Variants in BBS9 observed in about 807,000 individuals in gnomAD.
BBS9 encodes the protein protein PTHB1.
Under a neutral mutation model 117.7 loss-of-function variants are expected in BBS9, and 89 were observed. The observed-to-expected ratio is 0.76, with a 90% confidence interval of 0.64 to 0.90. BBS9 has a LOEUF of 0.90. Ranked by LOEUF, BBS9 falls within the 40% of genes least tolerant of loss-of-function variation. The pLI is 0.00. For missense variants in BBS9, 982 were observed against 1,042.2 expected, an observed-to-expected ratio of 0.94 and a Z score of 0.80; for synonymous variants, 379 against 370.9, an observed-to-expected ratio of 1.02 and a Z score of -0.25.
intron 7 of BBS9, among the ~76,000 whole-genome samples, chr7:33,272,512 C>T (rs1381160249): frequency 6.6e-6 from 1 of 152,078 alleles, no homozygotes; most frequent in Non-Finnish European, 1.5e-5. Flanking sequence ...CTTTAAGAAG[C>T]ATTTATTGAA....
intron 19 of BBS9, among the ~76,000 whole-genome samples, chr7:33,475,511 G>C (rs1487538946): frequency 6.6e-6 from 1 of 152,008 alleles, no homozygotes; most frequent in African/African-American, 2.4e-5. Context: ...CTCTATTGTG[G>C]GGCTATCCTG....
At chr7:33,628,613 C>T (rs1225868479) in intron 21 of BBS9, among the ~76,000 whole-genome samples, 2 of 152,108 alleles carry the variant, frequency 1.3e-5, no homozygotes, top group African/African-American at 2.4e-5. Context: ...TCTTTACTTT[C>T]AAGAGTGGGA....
At chr7:33,460,629 C>G (rs1346915241) in intron 19 of BBS9, among the ~76,000 whole-genome samples, 1 of 151,768 alleles carries the variant, frequency 6.6e-6, no homozygotes, top group Non-Finnish European at 1.5e-5. Context: ...TATTTGGGAT[C>G]ACTTTTAAAC....
intron 4 of BBS9, among the ~76,000 whole-genome samples, chr7:33,175,784 C>G (rs926535035): frequency 2.0e-5 from 3 of 152,004 alleles, no homozygotes; most frequent in Non-Finnish European, 2.9e-5. Context: ...TGGCCAAAGA[C>G]TAATTAACAA....
chr7:33,339,340 G>C (rs1420389138), intron 10 of BBS9, among the ~76,000 whole-genome samples: 5 of 152,178 alleles, frequency 3.3e-5, no homozygotes, highest in Non-Finnish European at 5.9e-5. Flanking sequence ...CTGCAAAACT[G>C]GCTGGGGAAT....
At chr7:33,157,671 C>A (rs1794292121) in intron 4 of BBS9, 1 of 152,218 alleles carries the variant, frequency 6.6e-6, no homozygotes, top group African/African-American at 2.4e-5. Context: ...CTAGTGTCAG[C>A]AGACAAACGT....
Position 33,144,479 on chromosome 7 carries a change from A to C in BBS9, c.-11-1763A>C, listed in dbSNP as rs115136157. 1.7e-3 allele frequency among the ~76,000 whole-genome samples: 256 copies of C among 152,300 alleles called. 1 individual carries two copies. Among genetic ancestry groups the C allele is most frequent in the African/African-American group, 5.9e-3 (244 of 41,556 alleles). On this transcript the variant is annotated intron_variant, in intron 1 of 22. Coordinates refer to ENST00000242067, the MANE Select transcript of BBS9 (RefSeq NM_198428.3). Reference sequence around the variant, plus strand: ...AGTGCAAAGGAGTAAAAATTGAGTCACCTGATGCACATGTTCCCAGCTGAT... The same window carrying C: ...AGTGCAAAGGAGTAAAAATTGAGTCCCCTGATGCACATGTTCCCAGCTGAT...
chr7:33,480,940 G>T (rs1377866041), intron 19 of BBS9, among the ~76,000 whole-genome samples: 1 of 151,992 alleles, frequency 6.6e-6, no homozygotes, highest in Non-Finnish European at 1.5e-5. Flanking sequence ...CCACAGCCAT[G>T]TAAGAAATGC....
chr7:33,485,740 C>T (rs1354002573), intron 19 of BBS9, among the ~76,000 whole-genome samples: 1 of 152,126 alleles, frequency 6.6e-6, no homozygotes, highest in Non-Finnish European at 1.5e-5. Context: ...CAAATTATGA[C>T]AAGATATGGT....
rs1470214170 is a variant in BBS9, at chr7:33,257,416, T to C, written c.617+6T>C. The stretch of plus-strand genomic sequence containing the variant: ...CAACAAGTGGAAAGTTATAAGTAAG[T>C]TTGGATGTTAAGTCTTCAGAATCAT... On this transcript the variant is annotated splice_donor_region_variant and intron_variant, in intron 6 of 22. Coordinates refer to ENST00000242067, the MANE Select transcript of BBS9 (RefSeq NM_198428.3). 1 of 1,613,384 alleles carries C rather than the reference T, an allele frequency of 6.2e-7. No individual in the cohort carries two copies. Among genetic ancestry groups the C allele is most frequent in the Non-Finnish European group, 8.5e-7 (1 of 1,179,448 alleles).
intron 21 of BBS9, among the ~76,000 whole-genome samples, chr7:33,561,292 C>G (rs759529967): frequency 1.1e-4 from 17 of 152,186 alleles, no homozygotes; most frequent in Non-Finnish European, 2.1e-4. Flanking sequence ...CCCTGGTTTT[C>G]CTACTTAAGG....
intron 21 of BBS9, among the ~76,000 whole-genome samples, chr7:33,542,107 CAG>C (rs1852414936): frequency 1.4e-5 from 2 of 146,920 alleles, no homozygotes; most frequent in South Asian, 2.2e-4. Flanking sequence ...TTTTTTAAGA[CAG>C]AGTCTCACTC....
chr7:33,604,826 T>C (rs1030009411), intron 21 of BBS9, 39 bp from the exon 22 acceptor site: 1 of 1,444,830 alleles, frequency 6.9e-7, no homozygotes, highest in Non-Finnish European at 9.7e-7. Context: ...CAGATTTTCT[T>C]ACACATTGCT....
chr7:33,604,590 C>A (rs541822375), intron 21 of BBS9, among the ~76,000 whole-genome samples: 14 of 152,216 alleles, frequency 9.2e-5, no homozygotes, highest in Middle Eastern at 3.4e-3. Context: ...AGGTTTTGTC[C>A]TTTCTGACTT....
intron 21 of BBS9, among the ~76,000 whole-genome samples, chr7:33,554,932 C>T (rs1338761471): frequency 6.6e-6 from 1 of 152,094 alleles, no homozygotes; most frequent in African/African-American, 2.4e-5. Context: ...GAGAAAGCAG[C>T]CACACAGAAG....
At chr7:33,237,966 C>T (rs1793808174) in intron 5 of BBS9, among the ~76,000 whole-genome samples, 1 of 152,136 alleles carries the variant, frequency 6.6e-6, no homozygotes, top group Non-Finnish European at 1.5e-5. Context: ...CTCTTCTCTT[C>T]CTCTCCTCCC....
chr7:33,186,354 T>C (rs192450931), intron 5 of BBS9, among the ~76,000 whole-genome samples: 1 of 152,170 alleles, frequency 6.6e-6, no homozygotes, highest in Non-Finnish European at 1.5e-5. Context: ...AAAGTAACTG[T>C]GAGTGGTGGA....
chr7:33,630,434 C>T (rs1865835798), intron 21 of BBS9, among the ~76,000 whole-genome samples: 1 of 151,978 alleles, frequency 6.6e-6, no homozygotes, highest in African/African-American at 2.4e-5. Context: ...TTATGGTTCA[C>T]AGTAAATTGC....
chr7:33,306,274 AT>A lies in BBS9; in HGVS notation c.1017-30161del, dbSNP rs1004122655. 6.6e-5 allele frequency among the ~76,000 whole-genome samples: 10 copies of A among 151,730 alleles called. No individual in the cohort carries two copies. The South Asian group carries it at 8.3e-4, about 13-fold the overall frequency. On this transcript the variant is annotated intron_variant, in intron 9 of 22. Coordinates refer to ENST00000242067, the MANE Select transcript of BBS9 (RefSeq NM_198428.3). Reference sequence around the variant, plus strand: ...AGAGAAGATGCTTGATATTATTTCAATTTTTTGAATGTTTTAAGACTTGTTT... The same window carrying A: ...AGAGAAGATGCTTGATATTATTTCAATTTTTGAATGTTTTAAGACTTGTTT...
Sources: gnomAD v4.1 joint callset for allele counts (sites outside exome capture counted in the v4.1 genomes callset) on GRCh38, gnomAD v4.1.1 for gene constraint, MANE v1.5 for transcripts, NCBI Gene and HGNC (gene_info 2026-07-23, HGNC 2026-07-21) for gene names.